PCDH15: variants seen among roughly 807,000 people sequenced by gnomAD.
PCDH15 encodes protocadherin-15.
A neutral mutation model predicts 178.5 loss-of-function variants in PCDH15; 129 were observed. That is an observed-to-expected ratio of 0.72 (90% CI 0.63 to 0.84). The LOEUF is 0.84. Among genes scored for constraint, PCDH15 ranks in the 40% least tolerant of loss-of-function variants. The pLI is 0.00. For synonymous variants in PCDH15, 800 were observed against 732.0 expected, an observed-to-expected ratio of 1.09 and a Z score of -1.50; for missense variants, 2,230 against 2,099.9, an observed-to-expected ratio of 1.06 and a Z score of -1.21.
chr10:54,289,359 A>C (rs2059246075), intron 8 of PCDH15, among the ~76,000 whole-genome samples: 1 of 152,226 alleles, frequency 6.6e-6, no homozygotes, highest in African/African-American at 2.4e-5. Context: ...ACATCAACAA[A>C]AAGGACATTT....
chr10:55,096,222 T>C (rs571192182), intron 2 of PCDH15, among the ~76,000 whole-genome samples: 12 of 152,124 alleles, frequency 7.9e-5, no homozygotes, highest in Non-Finnish European at 1.6e-4. Context: ...CACCATCCCA[T>C]GGGGAAAATC....
chr10:55,198,914 C>A (rs965617882), intron 1 of PCDH15, among the ~76,000 whole-genome samples: 10 of 152,106 alleles, frequency 6.6e-5, no homozygotes, highest in African/African-American at 2.2e-4. Flanking sequence ...ACTTCCCAGC[C>A]ACGCTTCCTG....
chr10:54,494,240 A>C (rs1045575702), intron 3 of PCDH15, among the ~76,000 whole-genome samples: 10 of 151,988 alleles, frequency 6.6e-5, no homozygotes, highest in African/African-American at 2.4e-4. Flanking sequence ...TAATAAAATA[A>C]TAATAATAAA....
At chr10:54,198,388 T>C (rs1168902326) in intron 10 of PCDH15, among the ~76,000 whole-genome samples, 2 of 152,008 alleles carry the variant, frequency 1.3e-5, no homozygotes, top group Admixed American at 6.6e-5. Context: ...AGGAATCCTC[T>C]GCTTCACTCT....
At chr10:55,373,019 A>C (rs1037220377) in intron 2 of PCDH15, among the ~76,000 whole-genome samples, 1 of 152,056 alleles carries the variant, frequency 6.6e-6, no homozygotes, top group Non-Finnish European at 1.5e-5. Context: ...AGACATTAAG[A>C]TTCAAAAAAT....
chr10:55,064,343 C>T (rs1841509705), intron 2 of PCDH15, among the ~76,000 whole-genome samples: 1 of 152,078 alleles, frequency 6.6e-6, no homozygotes, highest in Admixed American at 6.6e-5. Context: ...AATAGATTAT[C>T]TGACATCCTG....
intron 6 of PCDH15, among the ~76,000 whole-genome samples, chr10:54,331,171 A>T (rs1011686055): frequency 6.6e-6 from 1 of 151,762 alleles, no homozygotes; most frequent in African/African-American, 2.4e-5. Flanking sequence ...AATGAAAAAA[A>T]AAAAGCTGAT....
At chr10:54,345,109 T>C (rs895650113) in intron 6 of PCDH15, among the ~76,000 whole-genome samples, 6 of 151,706 alleles carry the variant, frequency 4.0e-5, no homozygotes, top group Non-Finnish European at 8.8e-5. Context: ...AGTTTTCTAA[T>C]ATGACCCAAA....
At chr10:54,611,536 C>A (rs2092961382) in intron 2 of PCDH15, among the ~76,000 whole-genome samples, 1 of 151,636 alleles carries the variant, frequency 6.6e-6, no homozygotes, top group Non-Finnish European at 1.5e-5. Flanking sequence ...AGATAATGGC[C>A]CACTAGCCAA....
intron 2 of PCDH15, among the ~76,000 whole-genome samples, chr10:54,981,944 T>G (rs1343470643): frequency 6.6e-6 from 1 of 151,882 alleles, no homozygotes; most frequent in Non-Finnish European, 1.5e-5. Flanking sequence ...TCCTTTTTTT[T>G]TTTTCTTTAT....
At chr10:55,165,029 T>A (rs1278017514) in intron 2 of PCDH15, among the ~76,000 whole-genome samples, 1 of 152,098 alleles carries the variant, frequency 6.6e-6, no homozygotes. Flanking sequence ...TGAACCTATA[T>A]GGTATTAATA....
intron 2 of PCDH15, among the ~76,000 whole-genome samples, chr10:55,384,954 T>C (rs1013352747): frequency 6.6e-6 from 1 of 152,144 alleles, no homozygotes; most frequent in Non-Finnish European, 1.5e-5. Flanking sequence ...CATATAGGTA[T>C]ATCACGAACA....
intron 3 of PCDH15, among the ~76,000 whole-genome samples, chr10:54,448,628 G>A (rs560450008): frequency 2.0e-4 from 30 of 151,584 alleles, no homozygotes; most frequent in African/African-American, 7.0e-4. Context: ...ATTAAAAAAA[G>A]GAAATTCTAG....
At chr10:55,015,838 C>G (rs1840160868) in intron 2 of PCDH15, among the ~76,000 whole-genome samples, 1 of 152,032 alleles carries the variant, frequency 6.6e-6, no homozygotes, top group African/African-American at 2.4e-5. Flanking sequence ...CAGTTCTGTG[C>G]ACACTGCAAC....
At chr10:54,120,604 A>C (rs2095200064) in intron 15 of PCDH15, among the ~76,000 whole-genome samples, 1 of 152,212 alleles carries the variant, frequency 6.6e-6, no homozygotes, top group African/African-American at 2.4e-5. Flanking sequence ...CTACTATGCA[A>C]ACAGAAAAGG....
intron 6 of PCDH15, among the ~76,000 whole-genome samples, chr10:54,344,279 T>C (rs1433835077): frequency 6.6e-6 from 1 of 152,182 alleles, no homozygotes; most frequent in Non-Finnish European, 1.5e-5. Flanking sequence ...TCATTTGTAA[T>C]TTTGAAAATG....
intron 2 of PCDH15, among the ~76,000 whole-genome samples, chr10:55,588,491 G>A (rs1165913749): frequency 6.6e-6 from 1 of 152,124 alleles, no homozygotes; most frequent in African/African-American, 2.4e-5. Flanking sequence ...TCGCACAAAT[G>A]CAAGAAGACC....
chr10:54,629,580 T>G (rs780337973), intron 2 of PCDH15, among the ~76,000 whole-genome samples: 2 of 152,018 alleles, frequency 1.3e-5, no homozygotes, highest in African/African-American at 2.4e-5. Context: ...AAACTAGGCA[T>G]TAAACATACC....
intron 1 of PCDH15, among the ~76,000 whole-genome samples, chr10:55,167,069 A>G (rs560220009): frequency 8.5e-5 from 13 of 152,256 alleles, no homozygotes; most frequent in Admixed American, 7.9e-4. Context: ...AAGACAATTA[A>G]GGACAATTAT....
Sources: gnomAD v4.1 joint callset for allele counts (sites outside exome capture counted in the v4.1 genomes callset) on GRCh38, gnomAD v4.1.1 for gene constraint, MANE v1.5 for transcripts, NCBI Gene and HGNC (gene_info 2026-07-23, HGNC 2026-07-21) for gene names.